The following ERMP1 variants were observed in gnomAD, a reference collection of about 807,000 sequenced individuals.
The protein encoded by ERMP1 is endoplasmic reticulum metallopeptidase 1.
ERMP1 carries 86 observed loss-of-function variants against 92.0 expected under a neutral mutation model. The ratio of observed to expected loss-of-function variants is 0.93; its 90% CI spans 0.79 to 1.12. The LOEUF (loss-of-function observed/expected upper bound fraction) is 1.12. ERMP1 is among the 50% of genes most tolerant of loss of function. The pLI is 0.00. For missense variants in ERMP1, 1,342 were observed against 1,116.3 expected, an observed-to-expected ratio of 1.20 and a Z score of -2.88; for synonymous variants, 530 against 412.8, an observed-to-expected ratio of 1.28 and a Z score of -3.44.
At chr9:5,861,166 A>AGGGG (rs1554630169) in intron 5 of ERMP1, among the ~76,000 whole-genome samples, 1 of 78,278 alleles carries the variant, frequency 1.3e-5, no homozygotes, top group Non-Finnish European at 2.5e-5. Flanking sequence ...ACAATGGCTT[A>AGGGG]GGGGGTGTGT....
rs10975289 is a variant in ERMP1 at position 5,805,001 on chromosome 9, A to C, written c.1914+26T>G. On this transcript the variant is annotated intron_variant, in intron 10 of 14. Coordinates refer to ENST00000339450, the MANE Select transcript of ERMP1 (RefSeq NM_024896.3). ...TCATATTCATATAAAAAATGAAGAAAAAGAAAAAAACTTATTTTCTCTTAC... is the reference window on the plus strand; with the variant it reads ...TCATATTCATATAAAAAATGAAGAACAAGAAAAAAACTTATTTTCTCTTAC... 9 of 1,558,940 alleles carry C rather than the reference A, an allele frequency of 5.8e-6. No individual in the cohort carries two copies. The East Asian group carries it at 2.0e-4, about 35-fold the overall frequency.
chr9:5,798,685 A>C (rs1471594077), intron 12 of ERMP1, 121 bp downstream of exon 12: 2 of 621,618 alleles, frequency 3.2e-6, no homozygotes, highest in Non-Finnish European at 5.5e-6. Flanking sequence ...ATGATAGAAA[A>C]AATAGTACAA....
rs139874800 is a variant in ERMP1 at position 5,806,920 on chromosome 9, T to C, written c.1549-1135A>G. ...TGTTTTCAAAACAAGTTACAGTTCA[T>C]GTAACAACCCCTCCCCGCTCCCAAC... On this transcript the variant is annotated intron_variant, in intron 8 of 14. Coordinates refer to ENST00000339450, the MANE Select transcript of ERMP1 (RefSeq NM_024896.3). Among the ~76,000 whole-genome samples, 8 of 152,334 alleles carry C rather than the reference T, an allele frequency of 5.3e-5. No homozygotes were observed. The East Asian group carries it at 1.5e-3, about 29-fold the overall frequency.
intron 1 of ERMP1, 185 bp downstream of exon 1, chr9:5,832,505 A>C (rs747479785): frequency 1.4e-5 from 7 of 493,740 alleles, no homozygotes; most frequent in African/African-American, 8.1e-5. Flanking sequence ...GCAAGCCCCA[A>C]GTCCCGGCAA....
At chr9:5,794,725 G>A (rs1291074198) in intron 13 of ERMP1, among the ~76,000 whole-genome samples, 2 of 152,158 alleles carry the variant, frequency 1.3e-5, no homozygotes, top group African/African-American at 2.4e-5. Context: ...GAACAGGCCT[G>A]TATCTATTAA....
intron 2 of ERMP1, among the ~76,000 whole-genome samples, chr9:5,830,192 T>G (rs7042539): frequency 6.6e-6 from 1 of 151,562 alleles, no homozygotes; most frequent in Admixed American, 6.6e-5. Flanking sequence ...AAAACATGAG[T>G]TTTTTTTTTT....
chr9:5,841,617 G>C (rs1830164354), intron 6 of ERMP1, among the ~76,000 whole-genome samples: 1 of 152,154 alleles, frequency 6.6e-6, no homozygotes, highest in African/African-American at 2.4e-5. Context: ...CGCCAACATA[G>C]TGAAACCTGT....
intron 5 of ERMP1, among the ~76,000 whole-genome samples, chr9:5,860,242 T>G (rs140382744): frequency 0.012 from 1,806 of 151,424 alleles, 40 homozygotes; most frequent in African/African-American, 0.041. Context: ...GAAATAGAGG[T>G]TGCAGTAAGC....
At chr9:5,850,726 G>A (rs1002524772) in intron 6 of ERMP1, among the ~76,000 whole-genome samples, 2 of 152,120 alleles carry the variant, frequency 1.3e-5, no homozygotes, top group African/African-American at 4.8e-5. Flanking sequence ...GTATAATTTT[G>A]GAAAATGGCT....
chr9:5,833,746 T>C (rs1563775911), upstream of ERMP1, among the ~76,000 whole-genome samples: 1 of 152,350 alleles, frequency 6.6e-6, no homozygotes, highest in South Asian at 2.1e-4. Context: ...AGATAACAGA[T>C]GAAGAATGTA....
rs181951398 is a variant in ERMP1 at position 5,830,271 on chromosome 9, C to T, written c.640+456G>A. Among the ~76,000 whole-genome samples, 191 of 152,090 alleles carry T rather than the reference C, an allele frequency of 1.3e-3. 2 individuals carry two copies. The highest frequency in any genetic ancestry group is 2.6e-4 in the Non-Finnish European group (18 of 67,998). On this transcript the variant is annotated intron_variant, in intron 2 of 14. Coordinates refer to ENST00000339450, the MANE Select transcript of ERMP1 (RefSeq NM_024896.3). ...ACAATTCTTCTTCTTCCAATGTGGC[C>T]CAGGGCAGCCAAAAGATTGGACACC... is the stretch of plus-strand genomic sequence containing the variant.
intron 8 of ERMP1, among the ~76,000 whole-genome samples, chr9:5,807,938 C>G (rs1174601485): frequency 6.6e-6 from 1 of 151,976 alleles, no homozygotes; most frequent in Non-Finnish European, 1.5e-5. Context: ...GAGAGCTCCT[C>G]AAAGAAAGAG....
chr9:5,829,023 C>T (rs1363449839), intron 2 of ERMP1, among the ~76,000 whole-genome samples: 1 of 151,936 alleles, frequency 6.6e-6, no homozygotes, highest in Non-Finnish European at 1.5e-5. Context: ...GTAGGCGGAT[C>T]ACTTGAGGTC....
chr9:5,790,097 G>A (rs57269514), intron 13 of ERMP1, among the ~76,000 whole-genome samples: 3,282 of 152,058 alleles, frequency 0.022, 116 homozygotes, highest in African/African-American at 0.074. Context: ...GATGGAAAAT[G>A]GGAGAGAGAA....
chr9:5,806,893 C>T (rs995626943), intron 8 of ERMP1, among the ~76,000 whole-genome samples: 4 of 152,176 alleles, frequency 2.6e-5, no homozygotes, highest in Admixed American at 6.6e-5. Flanking sequence ...GTTTCTGTGA[C>T]GTGTTTTCAA....
At chr9:5,793,774 CAAT>C (rs1170936711) in intron 13 of ERMP1, among the ~76,000 whole-genome samples, 4 of 151,986 alleles carry the variant, frequency 2.6e-5, no homozygotes, top group African/African-American at 9.7e-5. Flanking sequence ...ATGTAGCTAA[CAAT>C]AAAGTGTCAA....
chr9:5,815,138 C>G (rs1287455751), intron 4 of ERMP1, among the ~76,000 whole-genome samples: 2 of 152,028 alleles, frequency 1.3e-5, no homozygotes, highest in African/African-American at 4.8e-5. Context: ...AAGAATCTTC[C>G]AAAACTCATA....
chr9:5,806,980 G>C (rs572521433), intron 8 of ERMP1, among the ~76,000 whole-genome samples: 45 of 152,192 alleles, frequency 3.0e-4, no homozygotes, highest in African/African-American at 1.0e-3. Context: ...AAATACTTAA[G>C]TTATTAACAC....
chr9:5,865,451 T>G (rs1024491398), intron 5 of ERMP1, among the ~76,000 whole-genome samples: 1 of 151,022 alleles, frequency 6.6e-6, no homozygotes, highest in Non-Finnish European at 1.5e-5. Context: ...GAGCTTGCAG[T>G]GAGCCGAGAT....
Sources: allele counts gnomAD v4.1 joint callset (sites outside exome capture counted in the v4.1 genomes callset), GRCh38; gene constraint gnomAD v4.1.1; transcripts MANE v1.5; gene names NCBI Gene and HGNC (gene_info 2026-07-23, HGNC 2026-07-21).